VWA3B: variants seen among roughly 807,000 people sequenced by gnomAD.
VWA3B encodes von Willebrand factor A domain containing 3B.
A neutral mutation model predicts 158.3 loss-of-function variants in VWA3B; 138 were observed. That is an observed-to-expected ratio of 0.87 (90% CI 0.76 to 1.00). The LOEUF (loss-of-function observed/expected upper bound fraction) is 1.00, where lower values mean the gene tolerates loss of function less well. VWA3B is among the 50% of genes least tolerant of loss of function. VWA3B has a pLI of 0.00. For synonymous variants in VWA3B, 596 were observed against 587.3 expected, an observed-to-expected ratio of 1.01 and a Z score of -0.21; for missense variants, 1,555 against 1,565.1, an observed-to-expected ratio of 0.99 and a Z score of 0.11.
chr2:98,272,630 C>T (rs1688271931), intron 22 of VWA3B, among the ~76,000 whole-genome samples: 1 of 152,178 alleles, frequency 6.6e-6, no homozygotes, highest in South Asian at 2.1e-4. Context: ...TGACCAGCCC[C>T]ACCCTGAACC....
intron 1 of VWA3B, among the ~76,000 whole-genome samples, chr2:98,088,897 G>C (rs1035007072): frequency 2.0e-5 from 3 of 151,972 alleles, no homozygotes; most frequent in Non-Finnish European, 2.9e-5. Context: ...GGGATTACAC[G>C]TGTGTGTTAC....
At chr2:98,228,052 G>A in intron 14 of VWA3B, 150 bp from the exon 15 acceptor site, 3 of 771,866 alleles carry the variant, frequency 3.9e-6, no homozygotes, top group Non-Finnish European at 5.7e-6. Flanking sequence ...TACTTGGGAG[G>A]CCAAGATGAG....
chr2:98,208,700 C>T (rs979378065), intron 12 of VWA3B, among the ~76,000 whole-genome samples: 2 of 151,826 alleles, frequency 1.3e-5, no homozygotes, highest in African/African-American at 4.8e-5. Flanking sequence ...ATATAATTGT[C>T]TGAAGTATTT....
intron 2 of VWA3B, among the ~76,000 whole-genome samples, chr2:98,109,985 T>G (rs1255535505): frequency 6.6e-6 from 1 of 152,100 alleles, no homozygotes; most frequent in Non-Finnish European, 1.5e-5. Flanking sequence ...TTGCATTTAT[T>G]ATCTTCGAAT....
chr2:98,281,338 G>A lies in VWA3B; in HGVS notation c.3046-9173G>A, dbSNP rs374849513. On this transcript the variant is annotated intron_variant, in intron 22 of 27. Coordinates refer to ENST00000477737, the MANE Select transcript of VWA3B (RefSeq NM_144992.5). ...AATTAAGTGTCCTAGAAAGGGGAAA[G>A]GTCAGCACCTGTCTGAACCTACACA... 3.2e-4 allele frequency among the ~76,000 whole-genome samples: 49 copies of A among 152,304 alleles called. No homozygotes were observed. In the East Asian group the frequency reaches 5.2e-3, roughly 16 times the overall value.
chr2:98,106,297 G>A (rs918739942), intron 2 of VWA3B, among the ~76,000 whole-genome samples: 1 of 151,948 alleles, frequency 6.6e-6, no homozygotes, highest in Non-Finnish European at 1.5e-5. Flanking sequence ...AGAATTTCTT[G>A]AAATTGGGCC....
chr2:98,142,385 G>A (rs1487382267), intron 7 of VWA3B, among the ~76,000 whole-genome samples: 1 of 152,116 alleles, frequency 6.6e-6, no homozygotes, highest in Non-Finnish European at 1.5e-5. Flanking sequence ...CCAAAGGCAG[G>A]CTCCCTTTTA....
chr2:98,139,390 G>A (rs548807538), intron 7 of VWA3B, among the ~76,000 whole-genome samples: 77 of 152,386 alleles, frequency 5.1e-4, no homozygotes, highest in African/African-American at 1.7e-3. Context: ...GAGTGCGGGC[G>A]CACGGTGCAG....
chr2:98,204,595 T>C (rs1258616574), intron 12 of VWA3B, among the ~76,000 whole-genome samples: 3 of 152,198 alleles, frequency 2.0e-5, no homozygotes, highest in Non-Finnish European at 2.9e-5. Flanking sequence ...ATTTTATACT[T>C]TGTTGGATTA....
intron 14 of VWA3B, among the ~76,000 whole-genome samples, chr2:98,219,799 GA>G (rs1433446773): frequency 1.3e-5 from 2 of 152,170 alleles, no homozygotes; most frequent in Non-Finnish European, 2.9e-5. Flanking sequence ...AATACTGAGA[GA>G]CTGTCCACAT....
At chr2:98,300,351 T>G in intron 25 of VWA3B, 135 bp downstream of exon 25, 1 of 1,324,922 alleles carries the variant, frequency 7.5e-7, no homozygotes, top group African/African-American at 1.5e-5. Flanking sequence ...GTGTTTTGGC[T>G]TCTGCCCACC....
At chr2:98,134,456 A>C (rs1676112101) in intron 7 of VWA3B, among the ~76,000 whole-genome samples, 1 of 152,224 alleles carries the variant, frequency 6.6e-6, no homozygotes, top group Non-Finnish European at 1.5e-5. Flanking sequence ...CTTAATGAGC[A>C]CAGAGAATGA....
At chr2:98,219,346 T>C (rs1684292285) in intron 14 of VWA3B, among the ~76,000 whole-genome samples, 1 of 152,104 alleles carries the variant, frequency 6.6e-6, no homozygotes, top group African/African-American at 2.4e-5. Context: ...GATCAGACAT[T>C]GCGTAACACA....
chr2:98,179,756 CTCCTTCCTT>C (rs1680329327), intron 8 of VWA3B, among the ~76,000 whole-genome samples: 1 of 137,996 alleles, frequency 7.2e-6, no homozygotes. Flanking sequence ...CCCTTCCTCC[CTCCTTCCTT>C]TCTCTCTTTC....
chr2:98,112,027 C>T (rs1312592018), intron 2 of VWA3B, among the ~76,000 whole-genome samples: 1 of 152,072 alleles, frequency 6.6e-6, no homozygotes, highest in East Asian at 1.9e-4. Context: ...CTTAGGTTTT[C>T]TTCTAGGATT....
Position 98,250,281 on chromosome 2 carries a change from A to G in VWA3B, c.2674-37A>G, listed in dbSNP as rs776932776. 9 of 1,551,608 alleles carry G rather than the reference A, an allele frequency of 5.8e-6. No individual in the cohort carries two copies. The Admixed American group carries it at 1.6e-4, about 28-fold the overall frequency. On this transcript the variant is annotated intron_variant, in intron 19 of 27. Transcript: ENST00000477737. ...TTTCGAAGGCACGCATTAACCTATC[A>G]AGTGACACTTTCCTTTCCTTTGCCA...
chr2:98,202,111 G>A lies in VWA3B; in HGVS notation c.1737+7619G>A, dbSNP rs548473599. Among the ~76,000 whole-genome samples, 7 of 152,118 alleles carry A rather than the reference G, an allele frequency of 4.6e-5. No homozygotes were observed. In the East Asian group the frequency reaches 1.4e-3, roughly 29 times the overall value. ...GATATGATTTTTCCTTAACTGTTTG[G>A]TAGAATTTACCAATGAAACCATCTG... On this transcript the variant is annotated intron_variant, in intron 12 of 27. Coordinates refer to ENST00000477737, the MANE Select transcript of VWA3B (RefSeq NM_144992.5).
At position 98,216,152 on chromosome 2, in the gene VWA3B, G is replaced by A. The variant is rs531165506; in HGVS notation, c.1837-1694G>A. Among the ~76,000 whole-genome samples, 11 of 152,340 alleles carry A rather than the reference G, an allele frequency of 7.2e-5. No individual in the cohort carries two copies. The East Asian group carries it at 9.6e-4, about 13-fold the overall frequency. The stretch of plus-strand genomic sequence containing the variant: ...CTTCCTGCCTGATTATTAAATGTCC[G>A]AGGGAGCATTATAAGGTGACACAGT... On this transcript the variant is annotated intron_variant, in intron 13 of 27. Transcript: ENST00000477737.
intron 12 of VWA3B, among the ~76,000 whole-genome samples, chr2:98,196,434 G>A (rs1390938195): frequency 6.6e-6 from 1 of 152,086 alleles, no homozygotes; most frequent in East Asian, 1.9e-4. Context: ...AATAAAGAAA[G>A]CCAAATTCTA....
Sources: allele counts gnomAD v4.1 joint callset (sites outside exome capture counted in the v4.1 genomes callset), GRCh38; gene constraint gnomAD v4.1.1; transcripts MANE v1.5; gene names NCBI Gene and HGNC (gene_info 2026-07-23, HGNC 2026-07-21).